The following PBX1 variants were observed in gnomAD, a reference collection of about 807,000 sequenced individuals.
PBX1 encodes the protein PBX homeobox 1.
In PBX1, 6 loss-of-function variants were observed where a neutral mutation model predicts 53.4. The observed-to-expected ratio is 0.11, with a 90% CI of 0.06 to 0.22. PBX1 has a LOEUF of 0.22. Ranked by LOEUF, PBX1 falls within the 10% of genes least tolerant of loss-of-function variation. The pLI, the probability that PBX1 is intolerant of heterozygous loss-of-function variation, is 1.00. For synonymous variants in PBX1, 204 were observed against 212.3 expected, an observed-to-expected ratio of 0.96 and a Z score of 0.34; for missense variants, 251 against 551.4, an observed-to-expected ratio of 0.46 and a Z score of 5.46.
At chr1:164,843,987 G>A (rs181067670) in intron 8 of PBX1, among the ~76,000 whole-genome samples, 19 of 152,182 alleles carry the variant, frequency 1.2e-4, no homozygotes, top group Middle Eastern at 3.4e-3. Flanking sequence ...TGTGAGCAAT[G>A]TAATAGAACT....
intron 2 of PBX1, among the ~76,000 whole-genome samples, chr1:164,782,198 G>A (rs950105002): frequency 5.3e-5 from 8 of 152,150 alleles, no homozygotes; most frequent in Non-Finnish European, 1.2e-4. Context: ...CTCATGGGCC[G>A]GGGGATGGGG....
chr1:164,870,297 CTTTCTTTCTTTCT>C (rs1672338934), intron 2 of PBX1, among the ~76,000 whole-genome samples: 1 of 49,690 alleles, frequency 2.0e-5, no homozygotes, highest in African/African-American at 8.9e-5. Flanking sequence ...TTCTTTCTTT[CTTTCTTTCTTTCT>C]TTCTTTCTTT....
chr1:164,795,063 AC>A lies in PBX1; in HGVS notation c.510+2326del, dbSNP rs1478747473. On this transcript the variant is annotated intron_variant, in intron 3 of 8. Coordinates refer to ENST00000420696, the MANE Select transcript of PBX1 (RefSeq NM_002585.4). The stretch of plus-strand genomic sequence containing the variant: ...ACATTTTAATAGCATGTCACCAATT[AC>A]AAAACACTGCGGCTGACATAACGGC... 5.4e-3 allele frequency among the ~76,000 whole-genome samples: 829 copies of A among 152,352 alleles called. 8 individuals carry two copies. Among genetic ancestry groups the A allele is most frequent in the African/African-American group, 0.019 (781 of 41,580 alleles).
chr1:164,645,933 C>T (rs1275465549), intron 2 of PBX1, among the ~76,000 whole-genome samples: 1 of 152,254 alleles, frequency 6.6e-6, no homozygotes, highest in East Asian at 1.9e-4. Context: ...GACTTGGATC[C>T]AAGCCTCAGA....
intron 4 of PBX1, among the ~76,000 whole-genome samples, chr1:164,802,507 G>T (rs891528472): frequency 3.3e-5 from 5 of 152,200 alleles, no homozygotes; most frequent in Non-Finnish European, 7.3e-5. Flanking sequence ...GCCAGCAGGA[G>T]AAACCTTCCA....
intron 2 of PBX1, among the ~76,000 whole-genome samples, chr1:164,666,848 G>T (rs1402450790): frequency 6.6e-6 from 1 of 152,194 alleles, no homozygotes; most frequent in South Asian, 2.1e-4. Flanking sequence ...ATGTGCTGAG[G>T]TTTTTATTAG....
chr1:164,606,474 A>C (rs1656568020), intron 2 of PBX1, among the ~76,000 whole-genome samples: 1 of 152,202 alleles, frequency 6.6e-6, no homozygotes, highest in South Asian at 2.1e-4. Flanking sequence ...CGGAGGTTGC[A>C]GTGAGCTATG....
intron 2 of PBX1, among the ~76,000 whole-genome samples, chr1:164,873,524 T>G (rs1173321958): frequency 6.6e-6 from 1 of 152,204 alleles, no homozygotes; most frequent in East Asian, 1.9e-4. Flanking sequence ...AAGCCCTTGT[T>G]TAAAGAATTG....
At chr1:164,673,511 C>G (rs1661233364) in intron 2 of PBX1, among the ~76,000 whole-genome samples, 1 of 133,388 alleles carries the variant, frequency 7.5e-6, no homozygotes, top group Non-Finnish European at 1.5e-5. Flanking sequence ...CGCACTGTTG[C>G]CTGGGCTGGA....
chr1:164,567,284 T>C (rs1385058574), intron 2 of PBX1, among the ~76,000 whole-genome samples: 3 of 152,128 alleles, frequency 2.0e-5, no homozygotes, highest in Admixed American at 6.6e-5. Context: ...TTGAGCAAAA[T>C]AGGAGTAAAA....
intron 2 of PBX1, among the ~76,000 whole-genome samples, chr1:164,637,381 A>C (rs1427448269): frequency 6.6e-6 from 1 of 152,190 alleles, no homozygotes; most frequent in Non-Finnish European, 1.5e-5. Context: ...CGTGATTCTT[A>C]TGTGGGTCTA....
rs528450320 is a variant in PBX1, at chr1:164,698,183, G to GA, written c.266-94305dup. Among the ~76,000 whole-genome samples, 6 of 152,162 alleles carry GA rather than the reference G, an allele frequency of 3.9e-5. No individual in the cohort carries two copies. In the East Asian group the frequency reaches 7.7e-4, roughly 20 times the overall value. On this transcript the variant is annotated intron_variant, in intron 2 of 8. Transcript: ENST00000420696. ...TTTCCATTCTGCCACACCTGAGATA[G>GA]AAAAAAGAAATACCACGGTCCCTCG...
intron 2 of PBX1, among the ~76,000 whole-genome samples, chr1:164,743,601 A>G (rs1457612033): frequency 6.6e-6 from 1 of 152,206 alleles, no homozygotes. Flanking sequence ...ACAGCTTACT[A>G]ACACTGTATC....
Position 164,724,801 on chromosome 1 carries a change from C to A in PBX1, c.266-67693C>A, listed in dbSNP as rs373175861. ...GGTCTGCAATTTCTAAACCACTCTT[C>A]CTTTCTTGTATTCCTCTTTCAGGCA... On this transcript the variant is annotated intron_variant, in intron 2 of 8. Transcript: ENST00000420696. 1.4e-4 allele frequency among the ~76,000 whole-genome samples: 20 copies of A among 145,754 alleles called. No individual in the cohort carries two copies. The South Asian group carries it at 4.2e-3, about 30-fold the overall frequency.
At chr1:164,668,269 A>T (rs909251674) in intron 2 of PBX1, among the ~76,000 whole-genome samples, 1 of 152,116 alleles carries the variant, frequency 6.6e-6, no homozygotes, top group African/African-American at 2.4e-5. Flanking sequence ...TTACCTAAGC[A>T]ATTTGTAAGG....
intron 2 of PBX1, chr1:164,683,310 AG>A (rs1221117771): frequency 6.6e-6 from 1 of 152,196 alleles, no homozygotes; most frequent in East Asian, 1.9e-4. Flanking sequence ...AATTTGCCTA[AG>A]GTCATTAGAA....
chr1:164,750,048 T>C (rs1042970777), intron 2 of PBX1, among the ~76,000 whole-genome samples: 6 of 151,590 alleles, frequency 4.0e-5, no homozygotes, highest in African/African-American at 1.5e-4. Flanking sequence ...TGTAGTGAGC[T>C]ATGATTATAC....
At chr1:164,799,176 CTT>C (rs144631007) in intron 3 of PBX1, among the ~76,000 whole-genome samples, 2 of 151,990 alleles carry the variant, frequency 1.3e-5, no homozygotes, top group Non-Finnish European at 2.9e-5. Flanking sequence ...GATTAAGAAA[CTT>C]TTTTTTCTCT....
At chr1:164,616,430 T>C (rs964791243) in intron 2 of PBX1, among the ~76,000 whole-genome samples, 1 of 152,206 alleles carries the variant, frequency 6.6e-6, no homozygotes, top group African/African-American at 2.4e-5. Flanking sequence ...GGCCAAATAA[T>C]AATGTCTTGC....
Sources: gnomAD v4.1 joint callset for allele counts (sites outside exome capture counted in the v4.1 genomes callset) on GRCh38, gnomAD v4.1.1 for gene constraint, MANE v1.5 for transcripts, NCBI Gene and HGNC (gene_info 2026-07-23, HGNC 2026-07-21) for gene names.